The following GAS7 variants were observed in gnomAD, a reference collection of about 807,000 sequenced individuals.
GAS7 encodes growth arrest specific 7, also known as growth arrest-specific protein 7.
GAS7 carries 28 observed loss-of-function variants against 71.1 expected under a neutral mutation model. The ratio of observed to expected loss-of-function variants is 0.39; its 90% confidence interval spans 0.29 to 0.54. The LOEUF (loss-of-function observed/expected upper bound fraction) is 0.54, where lower values mean the gene tolerates loss of function less well. GAS7 is among the 20% of genes least tolerant of loss of function. GAS7 has a pLI of 0.62. For synonymous variants in GAS7, 258 were observed against 245.8 expected (o/e 1.05, Z -0.46); for missense variants, 436 against 627.8 (o/e 0.69, Z 3.27).
At chr17:9,980,468 T>C (rs905926056) in intron 3 of GAS7, among the ~76,000 whole-genome samples, 1 of 152,222 alleles carries the variant, frequency 6.6e-6, no homozygotes, top group African/African-American at 2.4e-5. Context: ...TTCTGAAAAC[T>C]TTACACAGGC....
chr17:10,136,256 G>A (rs536538879), intron 1 of GAS7, among the ~76,000 whole-genome samples: 1 of 152,276 alleles, frequency 6.6e-6, no homozygotes, highest in East Asian at 1.9e-4. Context: ...CACTTCCTCT[G>A]GGTATCAGAT....
chr17:9,988,911 C>T (rs1181399239), intron 2 of GAS7, among the ~76,000 whole-genome samples: 5 of 149,062 alleles, frequency 3.4e-5, no homozygotes, highest in Admixed American at 2.7e-4. Flanking sequence ...TACAGTGGCG[C>T]GATATCAGCT....
chr17:10,003,468 C>T (rs2071352511), intron 2 of GAS7, among the ~76,000 whole-genome samples: 1 of 152,244 alleles, frequency 6.6e-6, no homozygotes. Flanking sequence ...ATGGGGTCCC[C>T]ACAATCTGGC....
At chr17:10,008,027 G>A (rs946813001) in intron 2 of GAS7, among the ~76,000 whole-genome samples, 4 of 152,120 alleles carry the variant, frequency 2.6e-5, no homozygotes, top group Non-Finnish European at 5.9e-5. Context: ...ATGTTTTCAA[G>A]GTTCATCCAC....
chr17:10,181,923 G>A (rs570494450), intron 1 of GAS7, among the ~76,000 whole-genome samples: 8 of 152,250 alleles, frequency 5.3e-5, no homozygotes, highest in Non-Finnish European at 1.2e-4. Context: ...ACATTGGCAT[G>A]CTAAATGACA....
chr17:9,947,109 C>T lies in GAS7; in HGVS notation c.526-126G>A, dbSNP rs538534808. 794 of 605,774 alleles carry T rather than the reference C, an allele frequency of 1.3e-3. 4 individuals are homozygous for T. The highest frequency in any genetic ancestry group is 1.9e-3 in the Non-Finnish European group (627 of 338,116). 37.5% of individuals were successfully genotyped at this position (605,774 alleles called of 1,614,324 possible). On this transcript the variant is annotated intron_variant, in intron 5 of 13. Transcript: ENST00000432992. ...TGACAGAACACGCACAGGGATCTTC[C>T]CGTGCTCCAGGGGCCAGCATTTCAC...
intron 1 of GAS7, among the ~76,000 whole-genome samples, chr17:10,153,167 G>A (rs1302894673): frequency 6.7e-6 from 1 of 150,292 alleles, no homozygotes; most frequent in Non-Finnish European, 1.5e-5. Context: ...CCAAGATCAC[G>A]CCATTACACT....
chr17:10,167,517 G>A (rs1318662132), intron 1 of GAS7, among the ~76,000 whole-genome samples: 1 of 151,910 alleles, frequency 6.6e-6, no homozygotes, highest in Non-Finnish European at 1.5e-5. Flanking sequence ...GGGTGAGATG[G>A]TGGCTTGGCT....
intron 2 of GAS7, among the ~76,000 whole-genome samples, chr17:10,018,889 T>C (rs2072149220): frequency 6.6e-6 from 1 of 152,214 alleles, no homozygotes; most frequent in African/African-American, 2.4e-5. Context: ...GGAACGCATG[T>C]CTGTGATTCC....
chr17:9,960,158 C>T (rs2152113283), intron 4 of GAS7, among the ~76,000 whole-genome samples: 1 of 152,156 alleles, frequency 6.6e-6, no homozygotes, highest in Middle Eastern at 3.4e-3. Flanking sequence ...GTGGCCATCA[C>T]ACTTGTGCCC....
rs745979895 is a variant in GAS7 at position 10,019,805 on chromosome 17, C to T, written c.276G>A (p.Arg92=). ...TGGTGGTCGTGTTGACATAGTACCG[C>T]CGGCCCTGAGGCGACAGGTAGCTCT... The part of the protein sequence containing the change: ...GWQSYLSPQG[R]RYYVNTTTNE... Residue 92 remains arginine (R), a synonymous_variant, in exon 2 of 14, where the codon CGG becomes CGA. Transcript: ENST00000432992. 1 of 1,614,082 alleles carries T rather than the reference C, an allele frequency of 6.2e-7. No homozygotes were observed. Among genetic ancestry groups the T allele is most frequent in the South Asian group, 1.1e-5 (1 of 91,076 alleles).
chr17:10,089,641 A>G (rs904691602), intron 1 of GAS7, among the ~76,000 whole-genome samples: 2 of 152,208 alleles, frequency 1.3e-5, no homozygotes, highest in Admixed American at 6.5e-5. Flanking sequence ...CAGTTCCTAC[A>G]ACCTAGTTGT....
chr17:10,185,650 A>G (rs972949048), intron 1 of GAS7, among the ~76,000 whole-genome samples: 8 of 152,218 alleles, frequency 5.3e-5, no homozygotes, highest in Non-Finnish European at 7.3e-5. Context: ...AATCAGAAAT[A>G]TAAGTGACAC....
chr17:10,007,481 A>G (rs1299098622), intron 2 of GAS7, among the ~76,000 whole-genome samples: 1 of 151,942 alleles, frequency 6.6e-6, no homozygotes, highest in Non-Finnish European at 1.5e-5. Context: ...AAAATTAGCC[A>G]GGCGTGGTGG....
intron 1 of GAS7, among the ~76,000 whole-genome samples, chr17:10,090,817 C>G (rs1393250313): frequency 6.6e-6 from 1 of 152,150 alleles, no homozygotes. Flanking sequence ...GACGGGATGG[C>G]AACCTCAGAA....
chr17:10,125,493 C>T (rs757976696), intron 1 of GAS7, among the ~76,000 whole-genome samples: 8 of 147,180 alleles, frequency 5.4e-5, no homozygotes, highest in Admixed American at 1.4e-4. Flanking sequence ...CTCTTGCACT[C>T]CAGCCTGGGT....
Position 9,981,918 on chromosome 17 carries a change from GA to G in GAS7, c.305-35del. ...AGAAGAGCAAAGAAAATCACTTTGA[GA>G]ATGTCACAGGGCAGAACCTGAGTTT... is the stretch of plus-strand genomic sequence containing the variant. On this transcript the variant is annotated intron_variant, in intron 2 of 13. Coordinates refer to ENST00000432992, the MANE Select transcript of GAS7 (RefSeq NM_201433.2). This position sits in a 1 kb window ranked among gnomAD's most constrained non-coding sequence, Gnocchi z 4.4. 1 of 1,150,608 alleles carries G rather than the reference GA, an allele frequency of 8.7e-7. No individual in the cohort carries two copies. The allele number at this position is 1,150,608 out of a possible 1,614,324, so 71.3% of individuals were successfully genotyped here.
intron 1 of GAS7, among the ~76,000 whole-genome samples, chr17:10,095,295 T>A (rs1457630031): frequency 5.3e-5 from 8 of 152,198 alleles, no homozygotes. Context: ...CATAATAAAG[T>A]AAACTCCATG....
chr17:10,085,244 A>C (rs918110828), intron 1 of GAS7, among the ~76,000 whole-genome samples: 1 of 152,194 alleles, frequency 6.6e-6, no homozygotes, highest in Non-Finnish European at 1.5e-5. Context: ...CACATCACCC[A>C]ACCAGCCCAA....
Sources: gnomAD v4.1 joint callset for allele counts (sites outside exome capture counted in the v4.1 genomes callset) on GRCh38, gnomAD v4.1.1 for gene constraint, Gnocchi (gnomAD v3.1) non-coding constraint, MANE v1.5 for transcripts, NCBI Gene and HGNC (gene_info 2026-07-23, HGNC 2026-07-21) for gene names.